The following F13A1 variants were observed in gnomAD, a reference collection of about 807,000 sequenced individuals.
F13A1 encodes the protein FSF, A subunit.
In F13A1, 47 loss-of-function variants were observed where a neutral mutation model predicts 80.1. The observed-to-expected ratio is 0.59, with a 90% CI of 0.46 to 0.75. The LOEUF is 0.75. Ranked by LOEUF, F13A1 falls within the 30% of genes least tolerant of loss-of-function variation. The pLI, the probability that F13A1 is intolerant of heterozygous loss-of-function variation, is 0.00. For synonymous variants in F13A1, 349 were observed against 344.9 expected, an observed-to-expected ratio of 1.01 and a Z score of -0.13; for missense variants, 817 against 930.4, an observed-to-expected ratio of 0.88 and a Z score of 1.59.
intron 4 of F13A1, among the ~76,000 whole-genome samples, chr6:6,251,939 C>T (rs3892797): frequency 0.016 from 2,494 of 152,016 alleles, 61 homozygotes; most frequent in East Asian, 0.11. Flanking sequence ...GAAGCAATGG[C>T]GTGACTTATG....
chr6:6,254,253 C>A (rs1019622015), intron 4 of F13A1, among the ~76,000 whole-genome samples: 2 of 152,124 alleles, frequency 1.3e-5, no homozygotes, highest in African/African-American at 4.8e-5. Flanking sequence ...TAGGCAATAT[C>A]TATGCAAATT....
chr6:6,237,078 T>A lies in F13A1; in HGVS notation c.798+11234A>T, dbSNP rs150726712. ...TGAATGTTGATAGTCAAGGCTGCAG[T>A]CACCACCTTTCTTTAATAATAGCTG... On this transcript the variant is annotated intron_variant, in intron 6 of 14. Transcript: ENST00000264870. Among the ~76,000 whole-genome samples the A allele has an allele frequency of 2.4e-4, 37 of 152,268 alleles. No individual in the cohort carries two copies. In the East Asian group the frequency reaches 7.1e-3, roughly 29 times the overall value.
At chr6:6,265,992 C>T (rs1757838612) in intron 4 of F13A1, among the ~76,000 whole-genome samples, 2 of 152,186 alleles carry the variant, frequency 1.3e-5, no homozygotes, top group Admixed American at 1.3e-4. Context: ...AATTACAAAA[C>T]TGCAATTAAT....
chr6:6,262,318 T>C (rs1294780771), intron 4 of F13A1, among the ~76,000 whole-genome samples: 1 of 152,248 alleles, frequency 6.6e-6, no homozygotes, highest in African/African-American at 2.4e-5. Flanking sequence ...TCACCCTCCA[T>C]CCCAAACTGC....
intron 13 of F13A1, among the ~76,000 whole-genome samples, chr6:6,167,022 TCTA>T (rs1463902097): frequency 4.6e-5 from 7 of 152,206 alleles, no homozygotes; most frequent in Non-Finnish European, 1.0e-4. Context: ...ATCTGTGCAA[TCTA>T]CTATCCACAA....
chr6:6,168,512 T>A (rs765533442), intron 12 of F13A1, among the ~76,000 whole-genome samples: 3 of 152,204 alleles, frequency 2.0e-5, no homozygotes, highest in African/African-American at 4.8e-5. Context: ...TGGAGCCAGA[T>A]GCCTGTATGT....
chr6:6,225,965 A>G (rs1317870134), intron 6 of F13A1, among the ~76,000 whole-genome samples: 2 of 152,246 alleles, frequency 1.3e-5, no homozygotes, highest in East Asian at 1.9e-4. Flanking sequence ...GAGAAAGGCA[A>G]TCTTGAATAT....
intron 11 of F13A1, 124 bp downstream of exon 11, chr6:6,181,863 CT>C: frequency 9.6e-7 from 1 of 1,038,018 alleles, no homozygotes; most frequent in Non-Finnish European, 1.5e-6. Context: ...AAAGTTTATA[CT>C]TCTGCTGTTG....
chr6:6,195,284 C>A (rs1353522464), intron 10 of F13A1, among the ~76,000 whole-genome samples: 1 of 152,216 alleles, frequency 6.6e-6, no homozygotes, highest in African/African-American at 2.4e-5. Flanking sequence ...CCCCTTCCTC[C>A]TTTGGCAACT....
intron 8 of F13A1, among the ~76,000 whole-genome samples, chr6:6,211,858 T>C (rs1458715368): frequency 1.3e-5 from 2 of 152,232 alleles, no homozygotes; most frequent in African/African-American, 4.8e-5. Flanking sequence ...AGGCATTGCC[T>C]CACTCGGGAA....
chr6:6,161,233 A>G (rs932447270), intron 13 of F13A1, among the ~76,000 whole-genome samples: 3 of 152,060 alleles, frequency 2.0e-5, no homozygotes, highest in African/African-American at 4.8e-5. Context: ...CCAGAGATTC[A>G]AGAGATTCCA....
intron 1 of F13A1, among the ~76,000 whole-genome samples, chr6:6,320,380 T>G (rs1271009369): frequency 6.6e-6 from 1 of 152,158 alleles, no homozygotes; most frequent in Admixed American, 6.5e-5. Context: ...GAGAGCTGCC[T>G]CGAGAGCCTG....
At chr6:6,320,263 C>T (rs1758755883) in intron 1 of F13A1, among the ~76,000 whole-genome samples, 1 of 152,176 alleles carries the variant, frequency 6.6e-6, no homozygotes, top group South Asian at 2.1e-4. Context: ...CTTTTGTGTT[C>T]CAGCTCCATA....
chr6:6,316,608 G>A (rs779471089), intron 2 of F13A1, among the ~76,000 whole-genome samples: 76 of 152,138 alleles, frequency 5.0e-4, no homozygotes, highest in Admixed American at 6.5e-4. Flanking sequence ...GCAGCATTTT[G>A]TTCAGATGTC....
At chr6:6,256,207 T>G (rs1197838265) in intron 4 of F13A1, among the ~76,000 whole-genome samples, 3 of 152,104 alleles carry the variant, frequency 2.0e-5, no homozygotes, top group African/African-American at 4.8e-5. Flanking sequence ...CCCAACAATT[T>G]GGACTGGTAG....
intron 10 of F13A1, among the ~76,000 whole-genome samples, chr6:6,191,189 G>C (rs955082106): frequency 1.3e-5 from 2 of 151,536 alleles, no homozygotes; most frequent in Admixed American, 1.3e-4. Flanking sequence ...AGTCTTCTGC[G>C]TCACTCATGC....
At chr6:6,276,854 CTTATT>C (rs1405729236) in intron 3 of F13A1, among the ~76,000 whole-genome samples, 13 of 152,134 alleles carry the variant, frequency 8.5e-5, no homozygotes, top group Non-Finnish European at 4.4e-5. Context: ...TCTTACTAAA[CTTATT>C]TTATTTTTAT....
chr6:6,178,040 GGA>G (rs199601291), intron 11 of F13A1, among the ~76,000 whole-genome samples: 89 of 30,626 alleles, frequency 2.9e-3, no homozygotes, highest in Middle Eastern at 7.1e-3. Context: ...GAGGCCACAG[GGA>G]GAGGGGGGGG....
intron 4 of F13A1, among the ~76,000 whole-genome samples, chr6:6,254,148 G>C (rs576006057): frequency 6.6e-6 from 1 of 152,262 alleles, no homozygotes; most frequent in African/African-American, 2.4e-5. Flanking sequence ...TAAAACAAAT[G>C]ATTAACCACC....
Sources: allele counts gnomAD v4.1 joint callset (sites outside exome capture counted in the v4.1 genomes callset), GRCh38; gene constraint gnomAD v4.1.1; transcripts MANE v1.5; gene names NCBI Gene and HGNC (gene_info 2026-07-23, HGNC 2026-07-21).